The following KCNK2 variants were observed in gnomAD, a reference collection of about 807,000 sequenced individuals.
The protein encoded by KCNK2 is potassium two pore domain channel subfamily K member 2, also known as potassium channel subfamily K member 2.
A neutral mutation model predicts 40.5 loss-of-function variants in KCNK2; 21 were observed. The observed-to-expected ratio is 0.52, with a 90% confidence interval of 0.37 to 0.75. The LOEUF (loss-of-function observed/expected upper bound fraction) is 0.75, where lower values mean the gene tolerates loss of function less well. Ranked by LOEUF, KCNK2 falls within the 30% of genes least tolerant of loss-of-function variation. The pLI is 0.00. For synonymous variants in KCNK2, 191 were observed against 202.2 expected (o/e 0.94, Z 0.47); for missense variants, 399 against 531.6 (o/e 0.75, Z 2.45).
rs1483319000 is a variant in KCNK2, at chr1:215,194,948, T to A, written c.824-5T>A. On this transcript the variant is annotated splice_polypyrimidine_tract_variant and splice_region_variant and intron_variant, in intron 5 of 6. Coordinates refer to ENST00000444842, the MANE Select transcript of KCNK2 (RefSeq NM_001017425.3). ...TTATTTTGTTTTACTTTGTTTTGTCTCCAGGTGGATCCGATATTGAATATC... is the reference window on the plus strand; with the variant it reads ...TTATTTTGTTTTACTTTGTTTTGTCACCAGGTGGATCCGATATTGAATATC... The A allele has an allele frequency of 1.2e-6, 2 of 1,612,672 alleles. No homozygotes were observed. The highest frequency in any genetic ancestry group is 1.7e-5 in the Admixed American group (1 of 59,908).
intron 6 of KCNK2, among the ~76,000 whole-genome samples, chr1:215,204,324 T>C (rs545957408): frequency 6.6e-6 from 1 of 152,050 alleles, no homozygotes; most frequent in African/African-American, 2.4e-5. Flanking sequence ...GTAACTTTTT[T>C]TTTTGATTCA....
intron 3 of KCNK2, among the ~76,000 whole-genome samples, chr1:215,136,388 A>G (rs1661916719): frequency 6.6e-6 from 1 of 151,996 alleles, no homozygotes; most frequent in South Asian, 2.1e-4. Flanking sequence ...GTGAGCCACC[A>G]TGCCTGGCCT....
intron 1 of KCNK2, among the ~76,000 whole-genome samples, chr1:215,021,852 A>G (rs1387189908): frequency 1.3e-5 from 2 of 152,006 alleles, no homozygotes; most frequent in South Asian, 2.1e-4. Flanking sequence ...CCCGGCCACA[A>G]CCATCTTCAT....
At chr1:215,038,474 A>G (rs1657458853) in intron 1 of KCNK2, among the ~76,000 whole-genome samples, 1 of 152,078 alleles carries the variant, frequency 6.6e-6, no homozygotes, top group African/African-American at 2.4e-5. Flanking sequence ...TCTGGGTCCA[A>G]ACTTTATTCT....
chr1:215,141,948 G>A (rs1358292438), intron 3 of KCNK2, among the ~76,000 whole-genome samples: 1 of 151,912 alleles, frequency 6.6e-6, no homozygotes, highest in Non-Finnish European at 1.5e-5. Flanking sequence ...AAAATTTTCT[G>A]TTGCTTTCGT....
chr1:215,033,304 A>G (rs1267189228), intron 1 of KCNK2, among the ~76,000 whole-genome samples: 1 of 151,566 alleles, frequency 6.6e-6, no homozygotes, highest in Admixed American at 6.6e-5. Flanking sequence ...TCCTCAGCAT[A>G]TTAGTCATAA....
chr1:215,133,964 A>C (rs78050637), intron 3 of KCNK2, among the ~76,000 whole-genome samples: 3,454 of 152,260 alleles, frequency 0.023, 67 homozygotes, highest in Non-Finnish European at 0.032. Flanking sequence ...TTTAAAGCAA[A>C]AACAACAAAC....
intron 1 of KCNK2, among the ~76,000 whole-genome samples, chr1:215,046,240 C>T (rs1422399991): frequency 1.3e-5 from 2 of 152,024 alleles, no homozygotes; most frequent in Non-Finnish European, 2.9e-5. Context: ...AATACAGCAG[C>T]TCTACATTTA....
intron 3 of KCNK2, among the ~76,000 whole-genome samples, chr1:215,146,304 T>G (rs539883899): frequency 6.6e-6 from 1 of 152,270 alleles, no homozygotes; most frequent in Admixed American, 6.5e-5. Context: ...TGAATGTATC[T>G]TGCTACCAAA....
At chr1:215,128,302 G>A (rs548762359) in intron 3 of KCNK2, among the ~76,000 whole-genome samples, 2 of 152,292 alleles carry the variant, frequency 1.3e-5, no homozygotes, top group Admixed American at 1.3e-4. Flanking sequence ...GGTCTGTTTG[G>A]CTACTGCCAT....
intron 1 of KCNK2, among the ~76,000 whole-genome samples, chr1:215,044,963 G>T (rs183462401): frequency 6.6e-6 from 1 of 152,076 alleles, no homozygotes; most frequent in Non-Finnish European, 1.5e-5. Context: ...GAGGTCAGGA[G>T]ATCGAGACCA....
intron 2 of KCNK2, among the ~76,000 whole-genome samples, chr1:215,102,196 G>A (rs1161744840): frequency 6.6e-6 from 1 of 151,940 alleles, no homozygotes; most frequent in Non-Finnish European, 1.5e-5. Context: ...GAGATGACAA[G>A]CATCATGCAT....
intron 1 of KCNK2, among the ~76,000 whole-genome samples, chr1:215,052,526 G>T (rs1009410317): frequency 1.3e-5 from 2 of 152,146 alleles, no homozygotes; most frequent in African/African-American, 4.8e-5. Context: ...TCAACAGGGG[G>T]TGATTTTCAA....
chr1:215,057,175 C>A (rs1275915511), intron 1 of KCNK2, among the ~76,000 whole-genome samples: 1 of 149,286 alleles, frequency 6.7e-6, no homozygotes, highest in Non-Finnish European at 1.5e-5. Context: ...ATGCTTGGGA[C>A]AATAGCAAAC....
At position 215,083,150 on chromosome 1, in the gene KCNK2, C is replaced by G. The variant is rs1571891644; in HGVS notation, c.-236C>G. ...GCCTCCGCCTCGCCCTCTGCCCAGC[C>G]CGCCGGTGTCCCCTCCTTCCCGCGA... On this transcript the variant is annotated 5_prime_UTR_variant, in exon 1 of 7. Coordinates refer to ENST00000444842, the MANE Select transcript of KCNK2 (RefSeq NM_001017425.3). 1 of 891,060 alleles carries G rather than the reference C, an allele frequency of 1.1e-6. No homozygotes were observed. 55.2% of individuals were successfully genotyped at this position (891,060 alleles called of 1,614,324 possible). A position where few individuals can be genotyped will look rare whatever the true frequency, so the allele number is the denominator to read the frequency against.
chr1:215,153,211 T>G (rs1662763493), intron 3 of KCNK2, among the ~76,000 whole-genome samples: 1 of 152,192 alleles, frequency 6.6e-6, no homozygotes, highest in African/African-American at 2.4e-5. Context: ...TTTGATAGGC[T>G]TTCATTAAGT....
chr1:215,009,447 C>CAT (rs1049686918), intron 1 of KCNK2, among the ~76,000 whole-genome samples: 8 of 152,032 alleles, frequency 5.3e-5, no homozygotes, highest in South Asian at 2.1e-4. Flanking sequence ...AAACCATTTA[C>CAT]ATATATATAT....
intron 3 of KCNK2, among the ~76,000 whole-genome samples, chr1:215,142,363 A>G (rs915303253): frequency 6.6e-6 from 1 of 152,174 alleles, no homozygotes; most frequent in South Asian, 2.1e-4. Flanking sequence ...AACAACTTCT[A>G]CATGGTTGGA....
At chr1:215,208,333 A>G (rs1665406067) in intron 6 of KCNK2, among the ~76,000 whole-genome samples, 1 of 152,136 alleles carries the variant, frequency 6.6e-6, no homozygotes, top group Non-Finnish European at 1.5e-5. Flanking sequence ...GAAGGAAACA[A>G]CAGACACTGG....
Sources: allele counts gnomAD v4.1 joint callset (sites outside exome capture counted in the v4.1 genomes callset), GRCh38; gene constraint gnomAD v4.1.1; transcripts MANE v1.5; gene names NCBI Gene and HGNC (gene_info 2026-07-23, HGNC 2026-07-21).